The following NBAS variants were observed in gnomAD, a reference collection of about 807,000 sequenced individuals.
NBAS encodes the protein NBAS subunit of NRZ tethering complex.
A neutral mutation model predicts 302.5 loss-of-function variants in NBAS; 219 were observed. The observed-to-expected ratio is 0.72, with a 90% CI of 0.65 to 0.81. The LOEUF is 0.81. NBAS is among the 30% of genes least tolerant of loss of function. NBAS has a pLI of 0.00. For synonymous variants in NBAS, 1,118 were observed against 1,021.6 expected, an observed-to-expected ratio of 1.09 and a Z score of -1.80; for missense variants, 2,932 against 2,841.6, an observed-to-expected ratio of 1.03 and a Z score of -0.72.
the NBAS span, among the ~76,000 whole-genome samples, chr2:15,148,034 T>C: frequency 6.6e-6 from 1 of 152,084 alleles, no homozygotes; most frequent in Non-Finnish European, 1.5e-5. Flanking sequence ...GACATGCTTC[T>C]TGCACCCCTG....
chr2:15,036,184 G>A, the NBAS span, among the ~76,000 whole-genome samples: 6,389 of 152,150 alleles, frequency 0.042, 363 homozygotes, highest in African/African-American at 0.12. Flanking sequence ...ATGGTATCTT[G>A]TCTTAATTTG....
At chr2:15,463,305 A>C (rs1225695077) in intron 19 of NBAS, among the ~76,000 whole-genome samples, 3 of 152,168 alleles carry the variant, frequency 2.0e-5, no homozygotes, top group Non-Finnish European at 4.4e-5. Flanking sequence ...TTGATTCCTC[A>C]TGCATGACAA....
At chr2:15,227,858 A>T (rs926060168) in intron 47 of NBAS, among the ~76,000 whole-genome samples, 1 of 152,228 alleles carries the variant, frequency 6.6e-6, no homozygotes, top group Admixed American at 6.5e-5. Context: ...TAAAGACTTA[A>T]ATGTAAAACC....
At chr2:15,065,476 C>T in the NBAS span, among the ~76,000 whole-genome samples, 1 of 152,024 alleles carries the variant, frequency 6.6e-6, no homozygotes, top group Non-Finnish European at 1.5e-5. Flanking sequence ...CTGGAGATGA[C>T]ATGACCTTAT....
intron 19 of NBAS, among the ~76,000 whole-genome samples, chr2:15,463,035 G>A (rs1158053509): frequency 2.6e-5 from 4 of 152,192 alleles, no homozygotes; most frequent in Non-Finnish European, 5.9e-5. Context: ...TACTTTGGCA[G>A]GCTGAAGTGG....
At chr2:15,332,948 C>T (rs1244413292) in intron 35 of NBAS, among the ~76,000 whole-genome samples, 1 of 152,190 alleles carries the variant, frequency 6.6e-6, no homozygotes, top group East Asian at 1.9e-4. Flanking sequence ...TACATATCTC[C>T]TACTAGGCAA....
At chr2:14,854,725 A>C in the NBAS span, among the ~76,000 whole-genome samples, 1 of 152,104 alleles carries the variant, frequency 6.6e-6, no homozygotes, top group Non-Finnish European at 1.5e-5. Context: ...ATGCCCACCC[A>C]TGGAGGGAGC....
chr2:15,040,061 G>A, the NBAS span, among the ~76,000 whole-genome samples: 3 of 152,174 alleles, frequency 2.0e-5, no homozygotes, highest in South Asian at 4.1e-4. Context: ...GGATGGAATC[G>A]AGAAGGCTGC....
At chr2:15,311,082 G>C (rs1671253334) in intron 38 of NBAS, among the ~76,000 whole-genome samples, 1 of 152,142 alleles carries the variant, frequency 6.6e-6, no homozygotes. Context: ...GAATGTTTTG[G>C]ACTTTAGGAG....
intron 48 of NBAS, among the ~76,000 whole-genome samples, chr2:15,198,847 C>A (rs560816647): frequency 6.6e-6 from 1 of 152,094 alleles, no homozygotes; most frequent in African/African-American, 2.4e-5. Flanking sequence ...GAAAAATTGG[C>A]CGGGCGCGGT....
At chr2:15,375,402 T>C (rs527473940) in intron 30 of NBAS, among the ~76,000 whole-genome samples, 1 of 152,300 alleles carries the variant, frequency 6.6e-6, no homozygotes, top group East Asian at 1.9e-4. Context: ...AACATTGGAA[T>C]GTAAGATTAG....
the NBAS span, among the ~76,000 whole-genome samples, chr2:14,919,293 T>C: frequency 6.6e-6 from 1 of 152,202 alleles, no homozygotes; most frequent in Non-Finnish European, 1.5e-5. Flanking sequence ...GCGATAACAT[T>C]ATGTCTAAAA....
rs1243887040 is a variant in NBAS at position 15,222,948 on chromosome 2, AC to A, written c.6237-3981del. ...TAATAACATTTGACATTTTAAAGGAACATGCTCTCATTTTGTGTTGATAGTT... is the reference window on the plus strand; with the variant it reads ...TAATAACATTTGACATTTTAAAGGAAATGCTCTCATTTTGTGTTGATAGTT... On this transcript the variant is annotated intron_variant, in intron 47 of 51. Transcript: ENST00000281513. 8.5e-5 allele frequency among the ~76,000 whole-genome samples: 13 copies of A among 152,368 alleles called. No individual in the cohort carries two copies. In the South Asian group the frequency reaches 2.7e-3, roughly 32 times the overall value.
chr2:14,887,995 G>A, the NBAS span, among the ~76,000 whole-genome samples: 2 of 152,164 alleles, frequency 1.3e-5, no homozygotes. Context: ...ATGAAGATTT[G>A]TACATAAGGT....
chr2:14,986,923 T>A, the NBAS span, among the ~76,000 whole-genome samples: 1,053 of 152,258 alleles, frequency 6.9e-3, 11 homozygotes, highest in Non-Finnish European at 0.01. Context: ...GAGAAATTTT[T>A]ATTTTTTTAA....
Position 15,504,119 on chromosome 2 carries a change from A to G in NBAS, c.954+26T>C, listed in dbSNP as rs752327142. 1.9e-6 allele frequency: 3 copies of G among 1,595,696 alleles called. No homozygotes were observed. The East Asian group carries it at 6.7e-5, about 36-fold the overall frequency. ...CAGGGTAAAAATGTTTGAGAAGCCC[A>G]CCATAGTTAAGCCAATTTGTGTTAC... On this transcript the variant is annotated intron_variant, in intron 11 of 51. Coordinates refer to ENST00000281513, the MANE Select transcript of NBAS (RefSeq NM_015909.4).
At chr2:15,366,321 C>T (rs1443450355) in intron 32 of NBAS, among the ~76,000 whole-genome samples, 3 of 152,148 alleles carry the variant, frequency 2.0e-5, no homozygotes, top group African/African-American at 4.8e-5. Flanking sequence ...GTTCCAGAAG[C>T]TCAATATTGG....
chr2:15,351,910 C>A, intron 35 of NBAS, 82 bp downstream of exon 35: 1 of 968,832 alleles, frequency 1.0e-6, no homozygotes, highest in African/African-American at 1.7e-5. Flanking sequence ...ACACAAAACC[C>A]CTCTCATCCA....
chr2:15,254,865 TATTTC>T (rs1244875169), intron 44 of NBAS, among the ~76,000 whole-genome samples: 6 of 152,326 alleles, frequency 3.9e-5, no homozygotes, highest in East Asian at 1.9e-4. Context: ...AGAATGTCAT[TATTTC>T]ATTTCTTTTT....
Sources: gnomAD v4.1 joint callset for allele counts (sites outside exome capture counted in the v4.1 genomes callset) on GRCh38, gnomAD v4.1.1 for gene constraint, MANE v1.5 for transcripts, NCBI Gene and HGNC (gene_info 2026-07-23, HGNC 2026-07-21) for gene names.